The following ABL2 variants were observed in gnomAD, a reference collection of about 807,000 sequenced individuals.
ABL2 encodes ABL proto-oncogene 2, non-receptor tyrosine kinase.
ABL2 carries 49 observed loss-of-function variants against 107.7 expected under a neutral mutation model. The ratio of observed to expected loss-of-function variants is 0.45; its 90% confidence interval spans 0.36 to 0.58. The LOEUF (loss-of-function observed/expected upper bound fraction) is 0.58, where lower values mean the gene tolerates loss of function less well. Ranked by LOEUF, ABL2 falls within the 20% of genes least tolerant of loss-of-function variation. The pLI is 0.00. For synonymous variants in ABL2, 549 were observed against 548.6 expected, an observed-to-expected ratio of 1.00 and a Z score of -0.01; for missense variants, 1,245 against 1,457.0, an observed-to-expected ratio of 0.85 and a Z score of 2.37.
chr1:179,140,804 C>T (rs1015887567), intron 1 of ABL2, among the ~76,000 whole-genome samples: 6 of 152,068 alleles, frequency 3.9e-5, no homozygotes, highest in Non-Finnish European at 8.8e-5. Flanking sequence ...GAAGCCAAGG[C>T]GGGAGGATCA....
chr1:179,154,915 T>C (rs879663871), intron 1 of ABL2, among the ~76,000 whole-genome samples: 5 of 152,236 alleles, frequency 3.3e-5, no homozygotes, highest in East Asian at 1.9e-4. Context: ...ATTTAATCAC[T>C]GTACCTTGCA....
chr1:179,192,106 T>G (rs1405686591), intron 1 of ABL2, among the ~76,000 whole-genome samples: 1 of 152,208 alleles, frequency 6.6e-6, no homozygotes, highest in Non-Finnish European at 1.5e-5. Context: ...CATATTTCAC[T>G]CCTTGGTTAG....
rs563125519 is a variant in ABL2 at position 179,105,659 on chromosome 1, C to T, written c.*2059G>A. The T allele has an allele frequency of 2.1e-4, 47 of 226,856 alleles. No homozygotes were observed. Among genetic ancestry groups the T allele is most frequent in the African/African-American group, 9.8e-4 (44 of 45,092 alleles). 14.1% of individuals were successfully genotyped at this position (226,856 alleles called of 1,614,324 possible). ...AACACCTGCCAGGAATGCCCAGCACCGCGTGTCTCCTCTAATCCTCTTAAC... is the reference window on the plus strand; with the variant it reads ...AACACCTGCCAGGAATGCCCAGCACTGCGTGTCTCCTCTAATCCTCTTAAC... On this transcript the variant is annotated 3_prime_UTR_variant, in exon 12 of 12. Coordinates refer to ENST00000502732, the MANE Select transcript of ABL2 (RefSeq NM_007314.4).
intron 10 of ABL2, chr1:179,110,829 G>A (rs746964463): frequency 1.2e-6 from 2 of 1,613,948 alleles, no homozygotes; most frequent in Admixed American, 1.7e-5. Context: ...ACGTCTGATT[G>A]GCACAATGTA....
chr1:179,164,979 G>T (rs751417335), intron 1 of ABL2, among the ~76,000 whole-genome samples: 1 of 152,086 alleles, frequency 6.6e-6, no homozygotes, highest in Non-Finnish European at 1.5e-5. Context: ...CAATAAAATA[G>T]AATAAATATA....
At chr1:179,225,441 A>T (rs1332665576) in intron 1 of ABL2, among the ~76,000 whole-genome samples, 3 of 152,216 alleles carry the variant, frequency 2.0e-5, no homozygotes, top group African/African-American at 4.8e-5. Context: ...GAGCACCTAC[A>T]TTTACCATGT....
At chr1:179,219,250 C>G (rs1189919486) in intron 1 of ABL2, among the ~76,000 whole-genome samples, 1 of 152,118 alleles carries the variant, frequency 6.6e-6, no homozygotes, top group East Asian at 1.9e-4. Context: ...GCCACGTTGC[C>G]TAGGCTGGTC....
chr1:179,178,849 G>A (rs541078608), intron 1 of ABL2, among the ~76,000 whole-genome samples: 3 of 151,976 alleles, frequency 2.0e-5, no homozygotes, highest in Admixed American at 6.6e-5. Context: ...GTGAGTTGAG[G>A]AGCCATGATC....
chr1:179,164,202 T>C (rs554067326), intron 1 of ABL2, among the ~76,000 whole-genome samples: 3 of 152,316 alleles, frequency 2.0e-5, no homozygotes, highest in African/African-American at 4.8e-5. Context: ...GACGATTTTT[T>C]AAATTAAGAG....
At chr1:179,115,897 T>A (rs1343379911) in intron 8 of ABL2, among the ~76,000 whole-genome samples, 3 of 152,232 alleles carry the variant, frequency 2.0e-5, no homozygotes, top group Non-Finnish European at 4.4e-5. Flanking sequence ...CCTATGACTA[T>A]TTCTATTGGT....
At chr1:179,110,980 C>CTTT (rs376797144) in intron 10 of ABL2, 34 of 600,836 alleles carry the variant, frequency 5.7e-5, no homozygotes, top group East Asian at 7.3e-5. Flanking sequence ...TTATTTTTGG[C>CTTT]TTTTTTTTTT....
chr1:179,169,198 G>T (rs1272306143), intron 1 of ABL2, among the ~76,000 whole-genome samples: 2 of 151,990 alleles, frequency 1.3e-5, no homozygotes, highest in Non-Finnish European at 2.9e-5. Context: ...CCAAAAATGG[G>T]GTTTTAATAG....
chr1:179,132,201 T>A (rs907776125), intron 2 of ABL2, among the ~76,000 whole-genome samples: 1 of 152,238 alleles, frequency 6.6e-6, no homozygotes, highest in East Asian at 1.9e-4. Flanking sequence ...AATAACTTAA[T>A]TGAAGAGCCT....
intron 1 of ABL2, among the ~76,000 whole-genome samples, chr1:179,151,997 TTC>T (rs1658389267): frequency 1.3e-5 from 2 of 152,196 alleles, no homozygotes; most frequent in Non-Finnish European, 2.9e-5. Flanking sequence ...ATTCAAAGTC[TTC>T]TATTACAGAT....
At chr1:179,142,011 T>C (rs955516353) in intron 1 of ABL2, among the ~76,000 whole-genome samples, 1 of 152,234 alleles carries the variant, frequency 6.6e-6, no homozygotes, top group African/African-American at 2.4e-5. Flanking sequence ...TCTATGTCAC[T>C]TTCCTCATTG....
chr1:179,214,360 T>C (rs1662443850), intron 1 of ABL2, among the ~76,000 whole-genome samples: 1 of 151,924 alleles, frequency 6.6e-6, no homozygotes, highest in Non-Finnish European at 1.5e-5. Flanking sequence ...CTTTGGAAGA[T>C]ATAAGATGCA....
At chr1:179,191,107 C>T (rs1023444564) in intron 1 of ABL2, among the ~76,000 whole-genome samples, 1 of 152,106 alleles carries the variant, frequency 6.6e-6, no homozygotes, top group African/African-American at 2.4e-5. Context: ...GCCAAGAAGG[C>T]CACAGGAAGA....
chr1:179,173,522 C>CCAGCTAACTTT (rs112769145), intron 1 of ABL2, among the ~76,000 whole-genome samples: 23,958 of 151,684 alleles, frequency 0.16, 2,266 homozygotes, highest in African/African-American at 0.27. Flanking sequence ...GCCGCCACGC[C>CCAGCTAACTTT]TGTATTTTTG....
rs772930198 is a variant in ABL2 at position 179,108,180 on chromosome 1, T to C, written c.3087A>G (p.Ala1029=). ...TCCCAGCTTTCCCACTGATGGGCAC[T>C]GCGCCCAGAGCTGCCTTCTTTCCTC... ...QEGGKKAALG[A]VPISGKAGRP... is the part of the protein sequence containing the mutation. Residue 1029 remains alanine, a synonymous_variant, in exon 12 of 12, where the codon GCA becomes GCG. Coordinates refer to ENST00000502732, the MANE Select transcript of ABL2 (RefSeq NM_007314.4). 6.2e-7 allele frequency: 1 copy of C among 1,614,202 alleles called. No individual in the cohort carries two copies. Among genetic ancestry groups the C allele is most frequent in the East Asian group, 2.2e-5 (1 of 44,880 alleles).
Sources: gnomAD v4.1 joint callset for allele counts (sites outside exome capture counted in the v4.1 genomes callset) on GRCh38, gnomAD v4.1.1 for gene constraint, MANE v1.5 for transcripts, NCBI Gene and HGNC (gene_info 2026-07-23, HGNC 2026-07-21) for gene names.